Variants in KDM4B observed in about 807,000 individuals in gnomAD.
The protein encoded by KDM4B is lysine demethylase 4B, also known as lysine-specific demethylase 4B.
Under a neutral mutation model 125.2 loss-of-function variants are expected in KDM4B, and 32 were observed. The ratio of observed to expected loss-of-function variants is 0.26; its 90% CI spans 0.19 to 0.34. KDM4B has a LOEUF of 0.34. KDM4B is among the 10% of genes least tolerant of loss of function. The probability of loss-of-function intolerance (pLI) is 1.00; values close to 1 mark genes in which losing one functional copy is unlikely to be tolerated. For missense variants in KDM4B, 1,190 were observed against 1,577.7 expected, an observed-to-expected ratio of 0.75 and a Z score of 4.16; for synonymous variants, 721 against 677.9, an observed-to-expected ratio of 1.06 and a Z score of -0.99.
intron 7 of KDM4B, among the ~76,000 whole-genome samples, chr19:5,071,885 C>T (rs1160398247): frequency 2.6e-5 from 4 of 152,226 alleles, no homozygotes; most frequent in African/African-American, 9.6e-5. Flanking sequence ...GCAGTTCCTC[C>T]CTCCCGCTGG....
intron 3 of KDM4B, among the ~76,000 whole-genome samples, chr19:5,037,338 A>G (rs2036660744): frequency 6.6e-6 from 1 of 152,162 alleles, no homozygotes; most frequent in Non-Finnish European, 1.5e-5. Flanking sequence ...CTCTGTAGTA[A>G]CATCTCGTGT....
intron 1 of KDM4B, among the ~76,000 whole-genome samples, chr19:4,999,508 G>A (rs911778560): frequency 3.3e-5 from 5 of 152,124 alleles, no homozygotes; most frequent in African/African-American, 9.7e-5. Context: ...TGCTCCGTGT[G>A]CTCAGTGCTA....
chr19:5,103,981 CG>C (rs2038987249), intron 9 of KDM4B, among the ~76,000 whole-genome samples: 1 of 152,252 alleles, frequency 6.6e-6, no homozygotes, highest in Non-Finnish European at 1.5e-5. Flanking sequence ...CTTGGCCACC[CG>C]CACATCATGG....
chr19:4,978,019 C>T (rs1186733091), intron 1 of KDM4B, among the ~76,000 whole-genome samples: 1 of 152,172 alleles, frequency 6.6e-6, no homozygotes, highest in Non-Finnish European at 1.5e-5. Flanking sequence ...GTAGGCAGAG[C>T]GGGCCTCCTG....
chr19:5,131,182 C>G lies in KDM4B; in HGVS notation c.1422C>G (p.Pro474=). The G allele has an allele frequency of 1.9e-6, 3 of 1,603,294 alleles. No individual in the cohort carries two copies. Among genetic ancestry groups the G allele is most frequent in the Non-Finnish European group, 2.6e-6 (3 of 1,175,194 alleles). Residue 474 remains proline, a synonymous_variant, in exon 12 of 23, where the codon CCC becomes CCG. Transcript: ENST00000159111. The stretch of plus-strand genomic sequence containing the variant: ...TGCCGCCCCCGCCTGCTCACTTCCC[C>G]TCAGAGGAGGCGCTGTGGCTGCCAT... ...PQLPPPPAHF[P]SEEALWLPSP...
chr19:5,108,571 G>GT (rs2039080083), intron 9 of KDM4B, among the ~76,000 whole-genome samples: 1 of 152,204 alleles, frequency 6.6e-6, no homozygotes, highest in Admixed American at 6.5e-5. Context: ...AAATATGTGA[G>GT]TGTCTCCAAG....
intron 1 of KDM4B, among the ~76,000 whole-genome samples, chr19:4,983,380 G>A (rs2034715388): frequency 6.6e-6 from 1 of 152,162 alleles, no homozygotes; most frequent in South Asian, 2.1e-4. Context: ...GTGTCTGGCT[G>A]GAGAGATGAG....
At chr19:5,137,475 C>G (rs1217400094) in intron 16 of KDM4B, 137 bp downstream of exon 16, 1 of 1,197,126 alleles carries the variant, frequency 8.4e-7, no homozygotes, top group East Asian at 2.6e-5. Context: ...GGGTGGAACC[C>G]AAGGGATTCC....
At chr19:5,128,761 A>T (rs2146045914) in intron 11 of KDM4B, among the ~76,000 whole-genome samples, 1 of 150,342 alleles carries the variant, frequency 6.7e-6, no homozygotes, top group African/African-American at 2.4e-5. Flanking sequence ...CGGCAGGGAA[A>T]AAGTATTTCT....
At chr19:5,148,054 C>T (rs551107794) in intron 21 of KDM4B, among the ~76,000 whole-genome samples, 86 of 152,304 alleles carry the variant, frequency 5.6e-4, no homozygotes, top group Non-Finnish European at 1.2e-3. Flanking sequence ...CAAGAGCCTC[C>T]CCGCCTGTCC....
intron 10 of KDM4B, chr19:5,112,176 C>T (rs1599210701): frequency 3.8e-6 from 1 of 260,472 alleles, no homozygotes; most frequent in Non-Finnish European, 7.5e-6. Context: ...TCACTTAAGC[C>T]CAGGAGGTCA....
intron 7 of KDM4B, chr19:5,076,664 T>G: frequency 8.5e-6 from 1 of 117,368 alleles, no homozygotes; most frequent in Non-Finnish European, 1.7e-5. Flanking sequence ...GAATGAGTGA[T>G]GAGAGCGGCC....
chr19:5,021,498 G>A (rs775782767), intron 2 of KDM4B, among the ~76,000 whole-genome samples: 7 of 151,942 alleles, frequency 4.6e-5, no homozygotes, highest in Non-Finnish European at 7.4e-5. Flanking sequence ...GCTTGAGCCC[G>A]GGAGTTCCAG....
intron 6 of KDM4B, among the ~76,000 whole-genome samples, chr19:5,064,566 A>G (rs2037709648): frequency 6.6e-6 from 1 of 152,020 alleles, no homozygotes; most frequent in Admixed American, 6.5e-5. Context: ...TTGGATTCCA[A>G]GTGCCACTGT....
chr19:5,010,708 C>T (rs886098000), intron 1 of KDM4B, among the ~76,000 whole-genome samples: 2 of 152,160 alleles, frequency 1.3e-5, no homozygotes, highest in Admixed American at 1.3e-4. Flanking sequence ...AATGCAGTGG[C>T]GCGATCTTCG....
intron 1 of KDM4B, among the ~76,000 whole-genome samples, chr19:4,990,565 G>A (rs1427751445): frequency 6.6e-6 from 1 of 152,128 alleles, no homozygotes; most frequent in Non-Finnish European, 1.5e-5. Context: ...CATGAGTATT[G>A]GGCAAAGCTC....
intron 6 of KDM4B, among the ~76,000 whole-genome samples, chr19:5,050,542 C>T (rs974858402): frequency 6.6e-6 from 1 of 152,186 alleles, no homozygotes; most frequent in Non-Finnish European, 1.5e-5. Context: ...GGCCTGGGGT[C>T]GGTGTCCTGA....
intron 21 of KDM4B, among the ~76,000 whole-genome samples, chr19:5,149,567 A>T (rs1568329162): frequency 6.6e-6 from 1 of 152,106 alleles, no homozygotes; most frequent in Non-Finnish European, 1.5e-5. Context: ...TGACCCCAGC[A>T]CCTTTCCTGG....
intron 6 of KDM4B, among the ~76,000 whole-genome samples, chr19:5,053,547 G>T (rs368419254): frequency 2.6e-5 from 4 of 152,136 alleles, no homozygotes; most frequent in Admixed American, 1.3e-4. Flanking sequence ...GTTCCTGCCC[G>T]CCAAGGCCTC....
Sources: allele counts gnomAD v4.1 joint callset (sites outside exome capture counted in the v4.1 genomes callset), GRCh38; gene constraint gnomAD v4.1.1; transcripts MANE v1.5; gene names NCBI Gene and HGNC (gene_info 2026-07-23, HGNC 2026-07-21).